The following NUP42 variants were observed in gnomAD, a reference collection of about 807,000 sequenced individuals.
The protein encoded by NUP42 is nucleoporin NUP42.
NUP42 carries 47 observed loss-of-function variants against 35.9 expected under a neutral mutation model. The ratio of observed to expected loss-of-function variants is 1.31; its 90% CI spans 1.04 to 1.67. NUP42 has a LOEUF of 1.67. NUP42 is among the 40% of genes most tolerant of loss of function. NUP42 has a pLI of 0.00. For synonymous variants in NUP42, 173 were observed against 173.3 expected, an observed-to-expected ratio of 1.00 and a Z score of 0.01; for missense variants, 514 against 492.2, an observed-to-expected ratio of 1.04 and a Z score of -0.42.
In NUP42 at chr7:23,200,542, T is replaced by C. The variant is rs1217102491; in HGVS notation, c.1069T>C (p.Ser357Pro). The change falls in exon 7 of 7, where the codon TCT becomes CCT. Residue 357 changes from serine to proline, a missense_variant. Coordinates refer to ENST00000258742, the MANE Select transcript of NUP42 (RefSeq NM_007342.3). ...GGGCTCACATTCTCACACTGCTTTT[T>C]CTAAGCCATCCAGTGACACTTTTGG... is the stretch of plus-strand genomic sequence containing the variant. ...SPGSHSHTAF[S>P]KPSSDTFGNS... 1 of 1,614,176 alleles carries C rather than the reference T, an allele frequency of 6.2e-7. No individual in the cohort carries two copies. The highest frequency in any genetic ancestry group is 8.5e-7 in the Non-Finnish European group (1 of 1,180,020).
intron 3 of NUP42, among the ~76,000 whole-genome samples, chr7:23,192,563 AG>A (rs1317183453): frequency 9.0e-4 from 133 of 147,764 alleles, no homozygotes; most frequent in African/African-American, 3.4e-3. Flanking sequence ...AAAAAAAAAA[AG>A]AAAAAGAAAA....
intron 1 of NUP42, 97 bp downstream of exon 1, chr7:23,182,303 A>T (rs112580887): frequency 2.7e-6 from 4 of 1,507,816 alleles, no homozygotes; most frequent in African/African-American, 1.4e-5. Context: ...GGTGACCCCA[A>T]CGTGCCCGCG....
intron 3 of NUP42, among the ~76,000 whole-genome samples, chr7:23,189,885 C>G (rs1335390781): frequency 6.6e-6 from 1 of 151,028 alleles, no homozygotes; most frequent in Non-Finnish European, 1.5e-5. Flanking sequence ...TGCACTCCAG[C>G]CTGGGTGACA....
chr7:23,187,599 CTTTTTTTTT>C (rs11446033), intron 3 of NUP42, among the ~76,000 whole-genome samples: 3 of 84,828 alleles, frequency 3.5e-5, no homozygotes, highest in Non-Finnish European at 6.5e-5. Flanking sequence ...GGGATAGCAA[CTTTTTTTTT>C]TTTTTTTTTT....
At chr7:23,182,243 G>T in intron 1 of NUP42, 37 bp downstream of exon 1, 1 of 1,569,872 alleles carries the variant, frequency 6.4e-7, no homozygotes, top group South Asian at 1.1e-5. Context: ...TAACCGAGCC[G>T]GGAAGGGTCC....
In NUP42 at chr7:23,185,140, C is replaced by G; in HGVS notation, c.192C>G (p.Ser64=). 6.2e-7 allele frequency: 1 copy of G among 1,614,144 alleles called. No individual in the cohort carries two copies. Among genetic ancestry groups the G allele is most frequent in the South Asian group, 1.1e-5 (1 of 91,068 alleles). The change falls in exon 2 of 7, where the codon TCC becomes TCG. Residue 64 remains serine, a synonymous_variant. Coordinates refer to ENST00000258742, the MANE Select transcript of NUP42 (RefSeq NM_007342.3). ...ATGTCATCCAGCCATCCAGTTTCTC[C>G]AAATCCACACCATGGGGGGGCAGCA... ...YSNVIQPSSF[S]KSTPWGGSRD... is the part of the protein sequence containing the mutation.
At position 23,182,212 on chromosome 7, in the gene NUP42, T is replaced by C. The variant is rs1785429715; in HGVS notation, c.121+6T>C. On this transcript the variant is annotated splice_donor_region_variant and intron_variant, in intron 1 of 6. Transcript: ENST00000258742. Reference sequence around the variant, plus strand: ...ACCGCAGCAGCAGCCTTCAGGTGACTCTCCTCTGAATCCTCCGCGGTAACC... The same window carrying C: ...ACCGCAGCAGCAGCCTTCAGGTGACCCTCCTCTGAATCCTCCGCGGTAACC... The C allele has an allele frequency of 6.2e-7, 1 of 1,603,026 alleles. No individual in the cohort carries two copies.
At chr7:23,198,722 C>T (rs1394739923) in intron 5 of NUP42, among the ~76,000 whole-genome samples, 1 of 152,110 alleles carries the variant, frequency 6.6e-6, no homozygotes, top group Non-Finnish European at 1.5e-5. Context: ...GATTTTTAGT[C>T]ATAAGCTTTT....
chr7:23,185,723 T>A (rs858242), intron 2 of NUP42, among the ~76,000 whole-genome samples: 13,313 of 152,232 alleles, frequency 0.087, 902 homozygotes, highest in African/African-American at 0.18. Flanking sequence ...GGAGGTCATT[T>A]TACCATCTCA....
At position 23,189,067 on chromosome 7, in the gene NUP42, A is replaced by G. The variant is rs533944522; in HGVS notation, c.445+1921A>G. Among the ~76,000 whole-genome samples, 4 of 152,390 alleles carry G rather than the reference A, an allele frequency of 2.6e-5. No individual in the cohort carries two copies. The South Asian group carries it at 8.3e-4, about 32-fold the overall frequency. On this transcript the variant is annotated intron_variant, in intron 3 of 6. Transcript: ENST00000258742. Reference sequence around the variant, plus strand: ...AGCACACAAAAAGTGTGTCTGCCCCATGCCCAAGTGTGATGAACAATCTTG... The same window carrying G: ...AGCACACAAAAAGTGTGTCTGCCCCGTGCCCAAGTGTGATGAACAATCTTG...
At chr7:23,183,614 A>T (rs1438109870) in intron 1 of NUP42, among the ~76,000 whole-genome samples, 1 of 152,120 alleles carries the variant, frequency 6.6e-6, no homozygotes, top group Non-Finnish European at 1.5e-5. Flanking sequence ...CAATTAATCT[A>T]GTGAAATATT....
intron 3 of NUP42, chr7:23,188,510 C>T (rs1426015576): frequency 1.5e-5 from 15 of 985,076 alleles, no homozygotes; most frequent in Non-Finnish European, 1.8e-5. Flanking sequence ...TGCCTGTTGC[C>T]CTAAAGCAGT....
chr7:23,183,534 A>G (rs552686581), intron 1 of NUP42, among the ~76,000 whole-genome samples: 1 of 152,222 alleles, frequency 6.6e-6, no homozygotes, highest in Non-Finnish European at 1.5e-5. Flanking sequence ...TCTAACCTTT[A>G]AACCTTGTAT....
intron 4 of NUP42, chr7:23,196,144 C>A: frequency 3.8e-6 from 1 of 259,920 alleles, no homozygotes; most frequent in Non-Finnish European, 7.1e-6. Context: ...ATAAATTACC[C>A]AACAGTCAAT....
chr7:23,188,377 A>T lies in NUP42; in HGVS notation c.445+1231A>T, dbSNP rs557801443. ...TCTTGAGGGAGGAAAACAATAAGTGATGCAAATAAACTAAGATAATTTCAG... is the reference window on the plus strand; with the variant it reads ...TCTTGAGGGAGGAAAACAATAAGTGTTGCAAATAAACTAAGATAATTTCAG... On this transcript the variant is annotated intron_variant, in intron 3 of 6. Coordinates refer to ENST00000258742, the MANE Select transcript of NUP42 (RefSeq NM_007342.3). The T allele has an allele frequency of 3.1e-6, 3 of 981,550 alleles. No homozygotes were observed. In the African/African-American group the frequency reaches 5.2e-5, roughly 17 times the overall value. The allele number at this position is 981,550 out of a possible 1,614,324, so 60.8% of individuals were successfully genotyped here.
intron 3 of NUP42, among the ~76,000 whole-genome samples, chr7:23,189,555 T>C (rs896051719): frequency 1.3e-5 from 2 of 152,142 alleles, no homozygotes; most frequent in African/African-American, 4.8e-5. Context: ...TTCAAAGTTA[T>C]GGTGAGCTCT....
rs774569498 is a variant in NUP42 at position 23,195,862 on chromosome 7, G to A, written c.469G>A (p.Glu157Lys). 13 of 1,603,732 alleles carry A rather than the reference G, an allele frequency of 8.1e-6. No homozygotes were observed. The highest frequency in any genetic ancestry group is 1.1e-5 in the Non-Finnish European group (13 of 1,175,898). Residue 157 changes from glutamate (E) to lysine (K), a missense_variant, in exon 4 of 7, where the codon GAA (glutamate) becomes AAA (lysine). Transcript: ENST00000258742. ...ISGFTDISPE[E>K]LRLEYHNFLT... ...AGGTTTTACAGACATTTCACCAGAGGAATTGAGGCTTGAATACCATAACTT... is the reference window on the plus strand; with the variant it reads ...AGGTTTTACAGACATTTCACCAGAGAAATTGAGGCTTGAATACCATAACTT...
chr7:23,200,932 A>G lies in NUP42; in HGVS notation c.*187A>G, dbSNP rs1005092930. 2 of 362,112 alleles carry G rather than the reference A, an allele frequency of 5.5e-6. No individual in the cohort carries two copies. The highest frequency in any genetic ancestry group is 4.2e-5 in the African/African-American group (2 of 47,758). 22.4% of individuals were successfully genotyped at this position (362,112 alleles called of 1,614,324 possible). Reference sequence around the variant, plus strand: ...AAAAAGTAACAAAAACTCTGCAAGCAAGGGAATTTTTTTGTACTGTAATTT... The same window carrying G: ...AAAAAGTAACAAAAACTCTGCAAGCGAGGGAATTTTTTTGTACTGTAATTT... On this transcript the variant is annotated 3_prime_UTR_variant, in exon 7 of 7. Coordinates refer to ENST00000258742, the MANE Select transcript of NUP42 (RefSeq NM_007342.3).
intron 6 of NUP42, 54 bp downstream of exon 6, chr7:23,199,596 A>C: frequency 6.9e-7 from 1 of 1,451,996 alleles, no homozygotes. Flanking sequence ...TAGATTTTAT[A>C]GGTTTCAAAT....
Sources: gnomAD v4.1 joint callset for allele counts (sites outside exome capture counted in the v4.1 genomes callset) on GRCh38, gnomAD v4.1.1 for gene constraint, MANE v1.5 for transcripts, NCBI Gene and HGNC (gene_info 2026-07-23, HGNC 2026-07-21) for gene names.